Variants in GPR158 observed in about 807,000 individuals in gnomAD.
GPR158 encodes G protein-coupled receptor 158.
In GPR158, 30 loss-of-function variants were observed where a neutral mutation model predicts 78.2. That is an observed-to-expected ratio of 0.38 (90% CI 0.29 to 0.52). The LOEUF is 0.52. GPR158 is among the 20% of genes least tolerant of loss of function. GPR158 has a pLI of 0.83. For missense variants in GPR158, 1,463 were observed against 1,523.5 expected, an observed-to-expected ratio of 0.96 and a Z score of 0.66; for synonymous variants, 581 against 591.1, an observed-to-expected ratio of 0.98 and a Z score of 0.25.
intron 5 of GPR158, among the ~76,000 whole-genome samples, chr10:25,468,767 A>T (rs1350507484): frequency 6.6e-6 from 1 of 152,210 alleles, no homozygotes; most frequent in Non-Finnish European, 1.5e-5. Context: ...TTCAGTGGTT[A>T]TTGTGTGCCA....
intron 4 of GPR158, among the ~76,000 whole-genome samples, chr10:25,444,451 AGTGTAT>A: frequency 6.8e-6 from 1 of 147,970 alleles, no homozygotes; most frequent in South Asian, 2.2e-4. Flanking sequence ...TTTGAGTGTG[AGTGTAT>A]GTGGGTGTGT....
intron 7 of GPR158, among the ~76,000 whole-genome samples, chr10:25,582,912 T>C (rs541193302): frequency 3.9e-5 from 6 of 152,348 alleles, no homozygotes; most frequent in Non-Finnish European, 5.9e-5. Context: ...TATCAGCTGT[T>C]CTAAATACAA....
chr10:25,443,877 A>C (rs776524656), intron 4 of GPR158, among the ~76,000 whole-genome samples: 1 of 151,952 alleles, frequency 6.6e-6, no homozygotes, highest in African/African-American at 2.4e-5. Context: ...ATCGCTCTCA[A>C]TGAAGCCCCT....
intron 2 of GPR158, among the ~76,000 whole-genome samples, chr10:25,321,061 T>G (rs1854940983): frequency 6.6e-6 from 1 of 152,230 alleles, no homozygotes; most frequent in African/African-American, 2.4e-5. Flanking sequence ...TAATCTGTTC[T>G]TGGCACTAAT....
intron 2 of GPR158, among the ~76,000 whole-genome samples, chr10:25,333,445 A>T (rs966152914): frequency 6.6e-6 from 1 of 152,148 alleles, no homozygotes; most frequent in Non-Finnish European, 1.5e-5. Flanking sequence ...TTGTATATAC[A>T]TATCTGTATG....
chr10:25,376,528 C>T (rs987562838), intron 2 of GPR158, among the ~76,000 whole-genome samples: 5 of 151,622 alleles, frequency 3.3e-5, no homozygotes, highest in African/African-American at 4.8e-5. Flanking sequence ...ACGTAATTGT[C>T]AGTGATTTAA....
At chr10:25,370,043 T>C (rs1473275777) in intron 2 of GPR158, among the ~76,000 whole-genome samples, 1 of 148,446 alleles carries the variant, frequency 6.7e-6, no homozygotes, top group Non-Finnish European at 1.5e-5. Flanking sequence ...TTGCATCTAT[T>C]TGATTCTTCT....
At chr10:25,241,736 C>T (rs1231413362) in intron 2 of GPR158, among the ~76,000 whole-genome samples, 2 of 152,056 alleles carry the variant, frequency 1.3e-5, no homozygotes, top group Non-Finnish European at 2.9e-5. Context: ...TACTTTGATA[C>T]TGAATAAGAT....
intron 2 of GPR158, among the ~76,000 whole-genome samples, chr10:25,344,511 A>T (rs1855345216): frequency 6.6e-6 from 1 of 150,562 alleles, no homozygotes; most frequent in African/African-American, 2.5e-5. Flanking sequence ...TCTTGAGTTT[A>T]AAAAAAAGAG....
intron 5 of GPR158, among the ~76,000 whole-genome samples, chr10:25,517,051 C>T (rs1836186295): frequency 6.7e-6 from 1 of 150,126 alleles, no homozygotes; most frequent in African/African-American, 2.5e-5. Context: ...TTTCATTGAG[C>T]AGTGGCTTGT....
intron 2 of GPR158, among the ~76,000 whole-genome samples, chr10:25,295,024 C>G (rs182354169): frequency 2.2e-4 from 34 of 151,464 alleles, no homozygotes; most frequent in Admixed American, 8.5e-4. Flanking sequence ...GACGCTTTGC[C>G]AGCGTTTCAT....
chr10:25,352,689 T>C (rs965306351), intron 2 of GPR158, among the ~76,000 whole-genome samples: 1 of 152,016 alleles, frequency 6.6e-6, no homozygotes, highest in African/African-American at 2.4e-5. Flanking sequence ...ATTCTAGAGA[T>C]ACCTTCTAGT....
chr10:25,522,395 T>A (rs945225448), intron 5 of GPR158, among the ~76,000 whole-genome samples: 18 of 152,182 alleles, frequency 1.2e-4, no homozygotes, highest in Admixed American at 2.0e-4. Context: ...TAGGCTTACT[T>A]TTTTATAAAG....
At chr10:25,314,862 C>CATATATATATATATATAT (rs67847605) in intron 2 of GPR158, among the ~76,000 whole-genome samples, 14 of 111,354 alleles carry the variant, frequency 1.3e-4, no homozygotes, top group South Asian at 5.8e-4. Flanking sequence ...CACACACTGT[C>CATATATATATATATATAT]ATATATATAT....
intron 5 of GPR158, among the ~76,000 whole-genome samples, chr10:25,538,825 G>A (rs945488147): frequency 1.3e-5 from 2 of 152,222 alleles, no homozygotes; most frequent in Non-Finnish European, 2.9e-5. Flanking sequence ...ATAAACTTCT[G>A]TCTTAAGTCA....
intron 2 of GPR158, among the ~76,000 whole-genome samples, chr10:25,266,569 G>A (rs1477658721): frequency 6.6e-6 from 1 of 152,016 alleles, no homozygotes; most frequent in East Asian, 1.9e-4. Flanking sequence ...AATTTCTATT[G>A]TCTTTTTTTA....
At chr10:25,378,484 T>C (rs1232379965) in intron 2 of GPR158, among the ~76,000 whole-genome samples, 2 of 152,026 alleles carry the variant, frequency 1.3e-5, no homozygotes, top group African/African-American at 2.4e-5. Context: ...TTTATTCGTA[T>C]ATACCATCTT....
chr10:25,308,545 T>C (rs2130458908), intron 2 of GPR158, among the ~76,000 whole-genome samples: 1 of 152,314 alleles, frequency 6.6e-6, no homozygotes, highest in Non-Finnish European at 1.5e-5. Context: ...TTTCTTTACA[T>C]TGTAAAATAC....
intron 4 of GPR158, among the ~76,000 whole-genome samples, chr10:25,435,587 G>T (rs1834987986): frequency 4.6e-5 from 7 of 152,142 alleles, no homozygotes; most frequent in Admixed American, 4.6e-4. Flanking sequence ...GTTTGGAGAG[G>T]TCGTCAGGAC....
Sources: gnomAD v4.1 joint callset for allele counts (sites outside exome capture counted in the v4.1 genomes callset) on GRCh38, gnomAD v4.1.1 for gene constraint, MANE v1.5 for transcripts, NCBI Gene and HGNC (gene_info 2026-07-23, HGNC 2026-07-21) for gene names.